Variants in NTN1 observed in about 807,000 individuals in gnomAD.
NTN1 encodes the protein netrin-1.
Under a neutral mutation model 54.2 loss-of-function variants are expected in NTN1, and 11 were observed. That is an observed-to-expected ratio of 0.20 (90% CI 0.13 to 0.34). NTN1 has a LOEUF of 0.34. Ranked by LOEUF, NTN1 falls within the 10% of genes least tolerant of loss-of-function variation. NTN1 has a pLI of 1.00. For synonymous variants in NTN1, 371 were observed against 382.0 expected (o/e 0.97, Z 0.33); for missense variants, 740 against 893.1 (o/e 0.83, Z 2.18).
intron 5 of NTN1, among the ~76,000 whole-genome samples, chr17:9,196,965 C>T (rs763948734): frequency 6.6e-6 from 1 of 152,064 alleles, no homozygotes; most frequent in Non-Finnish European, 1.5e-5. Flanking sequence ...GGGTGTCCTG[C>T]TGGGAGTTTG....
chr17:9,194,907 A>G (rs1460805651), intron 5 of NTN1, among the ~76,000 whole-genome samples: 2 of 152,166 alleles, frequency 1.3e-5, no homozygotes, highest in Non-Finnish European at 2.9e-5. Context: ...ACCCACAAAA[A>G]TGGCAATTTC....
chr17:9,126,134 G>A (rs538819871), intron 2 of NTN1, among the ~76,000 whole-genome samples: 138 of 152,328 alleles, frequency 9.1e-4, no homozygotes, highest in Non-Finnish European at 1.4e-3. Context: ...GAACAACATA[G>A]CACTTAATGA....
At chr17:9,008,409 C>T in the NTN1 span, among the ~76,000 whole-genome samples, 3 of 152,174 alleles carry the variant, frequency 2.0e-5, no homozygotes, top group Admixed American at 6.5e-5. Flanking sequence ...ACCTCGGCCT[C>T]CTGGGTTCAA....
Position 9,203,836 on chromosome 17 carries a change from AAAAG to A in NTN1, c.1412-17329_1412-17326del. Reference sequence around the variant, plus strand: ...AGGAAAAGAAAAAAGGAAGAAAAGAAAAAGAACTGAGGACCAGAGAGTCTAGGAA... The same window carrying A: ...AGGAAAAGAAAAAAGGAAGAAAAGAAAACTGAGGACCAGAGAGTCTAGGAA... On this transcript the variant is annotated intron_variant, in intron 5 of 6. Coordinates refer to ENST00000173229, the MANE Select transcript of NTN1 (RefSeq NM_004822.3). 1.3e-5 allele frequency among the ~76,000 whole-genome samples: 2 copies of A among 152,204 alleles called. 1 individual carries two copies. Among genetic ancestry groups the A allele is most frequent in the Non-Finnish European group, 2.9e-5 (2 of 68,012 alleles).
chr17:9,122,384 C>T (rs1174421498), intron 2 of NTN1, among the ~76,000 whole-genome samples: 1 of 152,200 alleles, frequency 6.6e-6, no homozygotes, highest in Non-Finnish European at 1.5e-5. Context: ...ACTCTAGAAT[C>T]CTCTACAGTT....
chr17:9,080,881 A>G (rs1304970264), intron 2 of NTN1, among the ~76,000 whole-genome samples: 1 of 152,166 alleles, frequency 6.6e-6, no homozygotes, highest in African/African-American at 2.4e-5. Flanking sequence ...GAGGGCATGG[A>G]AGCTCCTCGC....
In NTN1 at chr17:9,095,627, A is replaced by G. The variant is rs553609440; in HGVS notation, c.1019-67186A>G. Among the ~76,000 whole-genome samples the G allele has an allele frequency of 5.9e-5, 9 of 152,316 alleles. No individual in the cohort carries two copies. The East Asian group carries it at 1.5e-3, about 26-fold the overall frequency. On this transcript the variant is annotated intron_variant, in intron 2 of 6. Coordinates refer to ENST00000173229, the MANE Select transcript of NTN1 (RefSeq NM_004822.3). ...TTTAATATTTTAATCATTTTAGGGC[A>G]TGAATCCCATGATTACAAAATCCCT...
chr17:9,105,658 CTT>C (rs889858266), intron 2 of NTN1, among the ~76,000 whole-genome samples: 7 of 135,810 alleles, frequency 5.2e-5, no homozygotes, highest in African/African-American at 1.5e-4. Context: ...GTCTCTCTCT[CTT>C]TCTCTCTCTC....
At chr17:9,155,757 A>G (rs1390104127) in intron 2 of NTN1, among the ~76,000 whole-genome samples, 1 of 152,188 alleles carries the variant, frequency 6.6e-6, no homozygotes, top group Admixed American at 6.5e-5. Context: ...TCCCTAACCC[A>G]GGAATTCTCA....
In NTN1 at chr17:9,239,712, T is replaced by C. The variant is rs766453556; in HGVS notation, c.1559T>C (p.Val520Ala). 28 of 1,613,284 alleles carry C rather than the reference T, an allele frequency of 1.7e-5. No individual in the cohort carries two copies. The highest frequency in any genetic ancestry group is 2.1e-5 in the Non-Finnish European group (25 of 1,179,938). ...WWKFTVNIIS[V>A]YKQGTSRIRR... ...AAGTTCACGGTGAACATCATCTCCG[T>C]GTATAAGCAGGGCACGAGCCGCATC... Residue 520 changes from valine to alanine, a missense_variant, in exon 7 of 7, where the codon GTG (valine) becomes GCG (alanine). Physicochemically the swap from Val to Ala is moderately conservative, Grantham distance 64. Transcript: ENST00000173229. This position sits in a 1 kb window ranked among gnomAD's most constrained non-coding sequence, Gnocchi z 5.2.
At chr17:9,213,557 G>C (rs937119678) in intron 5 of NTN1, among the ~76,000 whole-genome samples, 1 of 152,200 alleles carries the variant, frequency 6.6e-6, no homozygotes, top group African/African-American at 2.4e-5. Context: ...AAATGAGGCT[G>C]ATCAATTGGC....
intron 2 of NTN1, among the ~76,000 whole-genome samples, chr17:9,155,466 C>T (rs538261891): frequency 2.0e-5 from 3 of 152,190 alleles, no homozygotes; most frequent in South Asian, 2.1e-4. Context: ...CTCATCCTCC[C>T]GAGTAGCTGG....
intron 6 of NTN1, among the ~76,000 whole-genome samples, chr17:9,227,385 ACACT>A (rs1355915929): frequency 5.5e-5 from 3 of 54,462 alleles, no homozygotes; most frequent in Non-Finnish European, 1.1e-4. Context: ...CACACACCAC[ACACT>A]ATCACACAGG....
In NTN1 at chr17:9,242,884, G is replaced by A. The variant is rs559007481; in HGVS notation, c.*2916G>A. ...CCCACTCCAAGGAGCAGAGGGAAAT[G>A]GGAATTGAGGTGTCCCGGTTTGTAC... is the stretch of plus-strand genomic sequence containing the variant. On this transcript the variant is annotated 3_prime_UTR_variant, in exon 7 of 7. Coordinates refer to ENST00000173229, the MANE Select transcript of NTN1 (RefSeq NM_004822.3). The A allele has an allele frequency of 6.6e-6, 1 of 152,406 alleles. No individual in the cohort carries two copies. The highest frequency in any genetic ancestry group is 1.9e-4 in the East Asian group (1 of 5,190). 9.4% of individuals were successfully genotyped at this position (152,406 alleles called of 1,614,324 possible).
intron 2 of NTN1, among the ~76,000 whole-genome samples, chr17:9,048,002 C>T (rs754138529): frequency 3.3e-5 from 5 of 152,046 alleles, no homozygotes; most frequent in Admixed American, 6.6e-5. Flanking sequence ...GGCTGAATCA[C>T]GAGTTTTCTT....
intron 2 of NTN1, among the ~76,000 whole-genome samples, chr17:9,160,412 C>T (rs1192754533): frequency 6.6e-6 from 1 of 151,966 alleles, no homozygotes; most frequent in East Asian, 1.9e-4. Context: ...GCCCGGACAT[C>T]TTTTAAACAT....
chr17:9,040,107 A>C (rs2091916519), intron 2 of NTN1, among the ~76,000 whole-genome samples: 1 of 152,216 alleles, frequency 6.6e-6, no homozygotes, highest in African/African-American at 2.4e-5. Context: ...CTATATCTGC[A>C]GTGTATGAGA....
intron 6 of NTN1, among the ~76,000 whole-genome samples, chr17:9,222,828 G>A (rs1485726309): frequency 6.6e-6 from 1 of 152,146 alleles, no homozygotes. Context: ...AATGAATGAC[G>A]AGGCCCAAAG....
chr17:9,216,693 C>T (rs1905222960), intron 5 of NTN1, among the ~76,000 whole-genome samples: 1 of 152,220 alleles, frequency 6.6e-6, no homozygotes, highest in South Asian at 2.1e-4. Context: ...GGAGGTAGTG[C>T]TCTTCCTTTC....
Sources: allele counts gnomAD v4.1 joint callset (sites outside exome capture counted in the v4.1 genomes callset), GRCh38; gene constraint gnomAD v4.1.1; non-coding constraint Gnocchi (gnomAD v3.1); transcripts MANE v1.5; gene names NCBI Gene and HGNC (gene_info 2026-07-23, HGNC 2026-07-21).